Variants in OPHN1 observed in about 807,000 individuals in gnomAD.
OPHN1 encodes the protein oligophrenin-1.
Under a neutral mutation model 60.7 loss-of-function variants are expected in OPHN1, and 11 were observed. The observed-to-expected ratio is 0.18, with a 90% confidence interval of 0.11 to 0.30. The LOEUF is 0.30. OPHN1 is among the 10% of genes least tolerant of loss of function. The pLI is 1.00. For missense variants in OPHN1, 449 were observed against 611.0 expected (o/e 0.73, Z 2.80); for synonymous variants, 226 against 222.6 (o/e 1.02, Z -0.14).
chrX:68,358,140 A>AAT (rs1311722414), intron 2 of OPHN1, among the ~76,000 whole-genome samples: 1 of 107,178 alleles, frequency 9.3e-6, no homozygotes, highest in Non-Finnish European at 1.9e-5. Flanking sequence ...AAAAAAAAAA[A>AAT]ATAATAAAAT....
intron 5 of OPHN1, among the ~76,000 whole-genome samples, chrX:68,262,874 A>AGGAC (rs1569261729): frequency 5.5e-5 from 3 of 54,928 alleles, no homozygotes; most frequent in Non-Finnish European, 4.6e-5. Context: ...CAGGACAGGA[A>AGGAC]AGGAAAGGAA....
chrX:68,415,371 A>G (rs1456135290), intron 2 of OPHN1, among the ~76,000 whole-genome samples: 1 of 112,090 alleles, frequency 8.9e-6, no homozygotes, highest in East Asian at 2.8e-4. Context: ...AGGAATTAAG[A>G]GTCAGGGAAG....
Position 68,213,911 on chromosome X carries a change from T to C in OPHN1, c.548A>G (p.Tyr183Cys). Residue 183 changes from tyrosine to cysteine, a missense_variant, in exon 7 of 25, where the codon TAT becomes TGT. This residue lies in a region of OPHN1 where 99 missense variants were observed against 155.2 expected (regional missense o/e 0.64). Coordinates refer to ENST00000355520, the MANE Select transcript of OPHN1 (RefSeq NM_002547.3). ...GGACTCCTGAACTTCCTGGATTTGA[T>C]AAACATAATCAAGAGAGGACTCGAA... is the stretch of plus-strand genomic sequence containing the variant. ...NFFESSLDYV[Y>C]QIQEVQESKK... 8.3e-7 allele frequency: 1 copy of C among 1,207,421 alleles called. No individual in the cohort carries two copies. Among genetic ancestry groups the C allele is most frequent in the South Asian group, 1.8e-5 (1 of 56,312 alleles).
At chrX:68,136,595 G>A (rs536844789) in intron 15 of OPHN1, among the ~76,000 whole-genome samples, 1 of 111,310 alleles carries the variant, frequency 9.0e-6, no homozygotes, top group Non-Finnish European at 1.9e-5. Flanking sequence ...GAGCCACCGC[G>A]CTTGGCCTAG....
chrX:68,086,834 G>C (rs192761165), intron 19 of OPHN1, among the ~76,000 whole-genome samples: 1 of 111,374 alleles, frequency 9.0e-6, no homozygotes, highest in African/African-American at 3.3e-5. Context: ...CAACTCACTG[G>C]GGAGAAGACT....
chrX:68,163,282 ATT>A (rs199572593), intron 15 of OPHN1, among the ~76,000 whole-genome samples: 1 of 109,810 alleles, frequency 9.1e-6, no homozygotes, highest in East Asian at 2.8e-4. Flanking sequence ...AAACCACTGA[ATT>A]TTTTTTTGTT....
rs967926352 is a variant in OPHN1 at position 68,132,999 on chromosome X, C to G, written c.1277-13667G>C. On this transcript the variant is annotated intron_variant, in intron 15 of 24. Transcript: ENST00000355520. ...GGCCTCAGGCCCCCGGACGCCAAGC[C>G]GCCGCCGCTTCAGACGCAGACCCTA... 17 of 471,797 alleles carry G rather than the reference C, an allele frequency of 3.6e-5. No individual in the cohort carries two copies. In the East Asian group the frequency reaches 4.3e-4, roughly 12 times the overall value. 38.9% of individuals were successfully genotyped at this position (471,797 alleles called of 1,213,427 possible).
At chrX:68,208,006 CTTTCTTTCT>C (rs2077567236) in intron 9 of OPHN1, among the ~76,000 whole-genome samples, 1 of 110,725 alleles carries the variant, frequency 9.0e-6, no homozygotes, top group Non-Finnish European at 1.9e-5. Context: ...CTTTCTCTCT[CTTTCTTTCT>C]TTCCTTTCTT....
intron 15 of OPHN1, among the ~76,000 whole-genome samples, chrX:68,129,552 G>A (rs760987597): frequency 8.9e-6 from 1 of 112,168 alleles, no homozygotes; most frequent in East Asian, 2.8e-4. Flanking sequence ...AAGATTGAAA[G>A]TAAAAATAAT....
At chrX:68,235,852 T>G (rs1353112371) in intron 5 of OPHN1, among the ~76,000 whole-genome samples, 13 of 109,101 alleles carry the variant, frequency 1.2e-4, no homozygotes, top group African/African-American at 4.3e-4. Flanking sequence ...AGCAAGACTC[T>G]GTTTCAGGCG....
chrX:68,409,088 A>G (rs2078757610), intron 2 of OPHN1, among the ~76,000 whole-genome samples: 1 of 112,853 alleles, frequency 8.9e-6, no homozygotes, highest in Admixed American at 9.4e-5. Flanking sequence ...TCCTCTAGGC[A>G]TACAGCACTT....
chrX:68,199,606 C>T (rs1400532144), intron 11 of OPHN1, among the ~76,000 whole-genome samples: 1 of 112,630 alleles, frequency 8.9e-6, no homozygotes, highest in East Asian at 2.8e-4. Context: ...GGAAGCCTGA[C>T]TCTGTTCCTT....
intron 15 of OPHN1, among the ~76,000 whole-genome samples, chrX:68,144,606 G>T (rs1191893330): frequency 8.9e-6 from 1 of 111,759 alleles, no homozygotes; most frequent in Non-Finnish European, 1.9e-5. Flanking sequence ...GGAACACAGG[G>T]TGAAACTCCA....
intron 12 of OPHN1, among the ~76,000 whole-genome samples, chrX:68,195,005 AG>A (rs1354039666): frequency 9.6e-5 from 4 of 41,678 alleles, no homozygotes; most frequent in African/African-American, 6.8e-4. Flanking sequence ...AGAGAAAGAA[AG>A]GAAGGAAGGA....
At chrX:68,108,493 TTA>T (rs2077090742) in intron 18 of OPHN1, among the ~76,000 whole-genome samples, 2 of 112,100 alleles carry the variant, frequency 1.8e-5, no homozygotes, top group African/African-American at 6.4e-5. Context: ...TTTTTTTTCC[TTA>T]TGTCTTTTTT....
chrX:68,331,478 T>C (rs1371604250), intron 2 of OPHN1, among the ~76,000 whole-genome samples: 1 of 109,442 alleles, frequency 9.1e-6, no homozygotes, highest in Non-Finnish European at 1.9e-5. Flanking sequence ...AAGCCAGTAA[T>C]CTCAGCACTT....
intron 4 of OPHN1, among the ~76,000 whole-genome samples, chrX:68,277,614 AC>A (rs1195169539): frequency 9.1e-6 from 1 of 110,243 alleles, no homozygotes; most frequent in African/African-American, 3.3e-5. Flanking sequence ...AAATGGTGAA[AC>A]CCCGTCTCTG....
intron 19 of OPHN1, among the ~76,000 whole-genome samples, chrX:68,085,097 G>T (rs1417329963): frequency 8.9e-6 from 1 of 111,864 alleles, no homozygotes; most frequent in Non-Finnish European, 1.9e-5. Context: ...CCCTCCAAAG[G>T]CCTCACTTCA....
At chrX:68,205,092 G>A (rs1047970518) in intron 10 of OPHN1, among the ~76,000 whole-genome samples, 1 of 111,714 alleles carries the variant, frequency 9.0e-6, no homozygotes, top group African/African-American at 3.3e-5. Flanking sequence ...CACACTGAAA[G>A]GTGCTTTGGC....
Sources: allele counts gnomAD v4.1 joint callset (sites outside exome capture counted in the v4.1 genomes callset), GRCh38; gene constraint gnomAD v4.1.1; regional missense constraint gnomAD v4.1.1; transcripts MANE v1.5; gene names NCBI Gene and HGNC (gene_info 2026-07-23, HGNC 2026-07-21).